COBL: variants seen among roughly 807,000 people sequenced by gnomAD.
The protein encoded by COBL is cordon-bleu WH2 repeat protein.
COBL carries 51 observed loss-of-function variants against 98.8 expected under a neutral mutation model. The ratio of observed to expected loss-of-function variants is 0.52; its 90% CI spans 0.41 to 0.65. The LOEUF (loss-of-function observed/expected upper bound fraction) is 0.65, where lower values mean the gene tolerates loss of function less well. Among genes scored for constraint, COBL ranks in the 30% least tolerant of loss-of-function variants. The pLI is 0.00. For synonymous variants in COBL, 634 were observed against 651.7 expected (o/e 0.97, Z 0.41); for missense variants, 1,617 against 1,617.5 (o/e 1.00, Z 0.01).
intron 7 of COBL, among the ~76,000 whole-genome samples, chr7:51,049,206 C>T (rs1400866454): frequency 6.6e-6 from 1 of 152,204 alleles, no homozygotes; most frequent in Non-Finnish European, 1.5e-5. Context: ...GCCACCAACT[C>T]ATTAATTTAT....
chr7:51,125,808 C>T (rs1175644399), intron 6 of COBL, among the ~76,000 whole-genome samples: 2 of 152,164 alleles, frequency 1.3e-5, no homozygotes, highest in Non-Finnish European at 2.9e-5. Flanking sequence ...TTCAGAACAT[C>T]CGCGTACTCA....
intron 9 of COBL, 49 bp from the exon 10 acceptor site, chr7:51,029,640 C>A: frequency 2.1e-6 from 3 of 1,426,814 alleles, no homozygotes; most frequent in Non-Finnish European, 2.9e-6. Context: ...ACACCAATTA[C>A]TTAGTGTAAC....
chr7:51,232,960 G>A (rs1794906975), intron 1 of COBL, among the ~76,000 whole-genome samples: 2 of 152,116 alleles, frequency 1.3e-5, no homozygotes, highest in Admixed American at 1.3e-4. Context: ...AATGATTAAG[G>A]CATTAAATCG....
At chr7:51,046,418 T>C (rs892342707) in intron 7 of COBL, among the ~76,000 whole-genome samples, 9 of 152,146 alleles carry the variant, frequency 5.9e-5, no homozygotes, top group Admixed American at 2.0e-4. Flanking sequence ...CCAACCTGTG[T>C]TGGTGTGAGT....
chr7:51,132,478 ATGCCCACCCAGGCATC>A (rs1798834739), intron 6 of COBL, among the ~76,000 whole-genome samples: 1 of 152,182 alleles, frequency 6.6e-6, no homozygotes, highest in South Asian at 2.1e-4. Flanking sequence ...AAGCAGAGGG[ATGCCCACCCAGGCATC>A]TGTGTTGACA....
intron 7 of COBL, among the ~76,000 whole-genome samples, chr7:51,068,851 G>A (rs976119138): frequency 1.8e-4 from 28 of 152,134 alleles, no homozygotes; most frequent in Admixed American, 3.3e-4. Flanking sequence ...CCTACTAGAA[G>A]CTAAACGTCT....
intron 1 of COBL, among the ~76,000 whole-genome samples, chr7:51,311,882 G>A (rs1419398819): frequency 6.6e-6 from 1 of 151,830 alleles, no homozygotes; most frequent in Non-Finnish European, 1.5e-5. Flanking sequence ...CTTTCAGTGG[G>A]TCATGAAATA....
At chr7:51,172,655 G>A (rs1455921244) in intron 5 of COBL, 1 of 430,572 alleles carries the variant, frequency 2.3e-6, no homozygotes, top group East Asian at 1.1e-4. Context: ...TCACTTAATA[G>A]GTGTAATCTT....
At chr7:51,032,395 G>A (rs1444191125) in intron 8 of COBL, 1 of 152,218 alleles carries the variant, frequency 6.6e-6, no homozygotes, top group African/African-American at 2.4e-5. Flanking sequence ...ACAGAGACAT[G>A]TCTATGGCAA....
intron 4 of COBL, among the ~76,000 whole-genome samples, chr7:51,186,941 G>A (rs1447582576): frequency 7.2e-5 from 11 of 152,188 alleles, no homozygotes; most frequent in Admixed American, 7.2e-4. Flanking sequence ...ACACGCAAGT[G>A]AGCTCTAGAA....
chr7:51,016,695 C>T lies in COBL; in HGVS notation c.*856G>A, dbSNP rs1562791456. 5.5e-6 allele frequency: 2 copies of T among 361,442 alleles called. No individual in the cohort carries two copies. The highest frequency in any genetic ancestry group is 4.0e-5 in the East Asian group (1 of 25,008). 22.4% of individuals were successfully genotyped at this position (361,442 alleles called of 1,614,324 possible). On this transcript the variant is annotated 3_prime_UTR_variant, in exon 13 of 13. Coordinates refer to ENST00000265136, the MANE Select transcript of COBL (RefSeq NM_015198.5). ...AACATCCCTGCTCCTTGACCCTCTG[C>T]AGGATTCCAGAAGGCTCCCAGTGAA... is the stretch of plus-strand genomic sequence containing the variant.
chr7:51,141,313 A>G (rs752860440), intron 5 of COBL, among the ~76,000 whole-genome samples: 1 of 152,294 alleles, frequency 6.6e-6, no homozygotes, highest in East Asian at 1.9e-4. Flanking sequence ...TTTGGTTACA[A>G]TAAGTATACT....
intron 6 of COBL, among the ~76,000 whole-genome samples, chr7:51,122,973 A>G (rs1283561932): frequency 1.5e-5 from 2 of 129,602 alleles, no homozygotes; most frequent in Non-Finnish European, 3.3e-5. Flanking sequence ...ACAGAGCGAG[A>G]CTCCATCTCA....
intron 5 of COBL, among the ~76,000 whole-genome samples, chr7:51,182,336 C>T (rs1040405166): frequency 1.3e-5 from 2 of 150,630 alleles, no homozygotes; most frequent in African/African-American, 4.9e-5. Flanking sequence ...GGCTGGAGTG[C>T]GCTAGCATGT....
intron 1 of COBL, among the ~76,000 whole-genome samples, chr7:51,261,528 A>C (rs140297820): frequency 1.1e-3 from 174 of 152,354 alleles, no homozygotes; most frequent in African/African-American, 4.1e-3. Context: ...ATTTCGTCTG[A>C]GCTAAGAACA....
chr7:51,058,142 G>C (rs769109679), intron 7 of COBL, among the ~76,000 whole-genome samples: 2 of 151,664 alleles, frequency 1.3e-5, no homozygotes, highest in African/African-American at 2.4e-5. Context: ...TTGGATAAAC[G>C]TAACAAAATT....
At chr7:51,069,501 G>A (rs1308342052) in intron 7 of COBL, among the ~76,000 whole-genome samples, 1 of 152,252 alleles carries the variant, frequency 6.6e-6, no homozygotes, top group African/African-American at 2.4e-5. Context: ...GGGAGCACCT[G>A]CTGCCAAGCT....
chr7:51,283,598 C>T (rs1040298071), intron 1 of COBL, among the ~76,000 whole-genome samples: 1 of 152,136 alleles, frequency 6.6e-6, no homozygotes, highest in Non-Finnish European at 1.5e-5. Context: ...AATTCTCCTG[C>T]CTCAGCCTCC....
intron 7 of COBL, among the ~76,000 whole-genome samples, chr7:51,080,109 C>T (rs376448128): frequency 2.6e-5 from 4 of 152,200 alleles, no homozygotes; most frequent in South Asian, 4.2e-4. Context: ...AGCCATCAGG[C>T]CTATGAGTGG....
Sources: gnomAD v4.1 joint callset for allele counts (sites outside exome capture counted in the v4.1 genomes callset) on GRCh38, gnomAD v4.1.1 for gene constraint, MANE v1.5 for transcripts, NCBI Gene and HGNC (gene_info 2026-07-23, HGNC 2026-07-21) for gene names.